The following USP10 variants were observed in gnomAD, a reference collection of about 807,000 sequenced individuals.
The protein encoded by USP10 is ubiquitin specific peptidase 10.
USP10 carries 22 observed loss-of-function variants against 84.5 expected under a neutral mutation model. The observed-to-expected ratio is 0.26, with a 90% CI of 0.19 to 0.37. USP10 has a LOEUF of 0.37. Ranked by LOEUF, USP10 falls within the 10% of genes least tolerant of loss-of-function variation. USP10 has a pLI of 1.00. For missense variants in USP10, 1,019 were observed against 998.9 expected (o/e 1.02, Z -0.27); for synonymous variants, 454 against 387.6 (o/e 1.17, Z -2.01).
chr16:84,720,067 G>A (rs1907581700), intron 1 of USP10, among the ~76,000 whole-genome samples: 1 of 152,204 alleles, frequency 6.6e-6, no homozygotes, highest in Non-Finnish European at 1.5e-5. Flanking sequence ...ACACCGGAAG[G>A]AGAGGAGTCT....
In USP10 at chr16:84,760,278, T is replaced by G. The variant is rs769567888; in HGVS notation, c.1554+3T>G. 3.8e-6 allele frequency: 6 copies of G among 1,596,870 alleles called. No homozygotes were observed. The South Asian group carries it at 4.5e-5, about 12-fold the overall frequency. On this transcript the variant is annotated splice_donor_region_variant and intron_variant, in intron 8 of 13. Coordinates refer to ENST00000219473, the MANE Select transcript of USP10 (RefSeq NM_005153.3). Reference sequence around the variant, plus strand: ...ACAAGTCAAGCCTGTCTGAAAAGGTTTGAGACTTCTCTGTTGTCACTAGTA... The same window carrying G: ...ACAAGTCAAGCCTGTCTGAAAAGGTGTGAGACTTCTCTGTTGTCACTAGTA...
intron 2 of USP10, among the ~76,000 whole-genome samples, chr16:84,735,213 GTGTGTGTGTGTGTGTGTGTGTGT>G (rs1255288840): frequency 6.3e-5 from 4 of 63,080 alleles, no homozygotes; most frequent in African/African-American, 2.8e-4. Context: ...GTGTGTGTGT[GTGTGTGTGTGTGTGTGTGTGTGT>G]GGTGTGTGTG....
intron 2 of USP10, 133 bp downstream of exon 2, chr16:84,733,636 C>A: frequency 1.8e-6 from 1 of 559,948 alleles, no homozygotes; most frequent in Non-Finnish European, 3.0e-6. Context: ...AGAAATGCCT[C>A]AACCCACCAA....
At chr16:84,776,322 G>GGGCCCA (rs1555550739) in intron 13 of USP10, among the ~76,000 whole-genome samples, 7 of 150,872 alleles carry the variant, frequency 4.6e-5, no homozygotes, top group African/African-American at 1.7e-4. Context: ...TGGGGGCCCA[G>GGGCCCA]GGGTGAGGGC....
chr16:84,774,350 T>G (rs915737916), intron 12 of USP10, among the ~76,000 whole-genome samples: 18 of 152,198 alleles, frequency 1.2e-4, no homozygotes, highest in African/African-American at 4.3e-4. Flanking sequence ...CGGACTCTTG[T>G]GTCGGTGTAA....
chr16:84,775,241 C>T lies in USP10; in HGVS notation c.2209+16C>T, dbSNP rs769880072. The T allele has an allele frequency of 1.6e-5, 26 of 1,611,020 alleles. No individual in the cohort carries two copies. The highest frequency in any genetic ancestry group is 8.3e-5 in the Admixed American group (5 of 59,980). On this transcript the variant is annotated intron_variant, in intron 13 of 13. Transcript: ENST00000219473. The stretch of plus-strand genomic sequence containing the variant: ...CTCTTTGCAGGTGAGTAAATTTGTA[C>T]GACATTACTTCTTCATTAAAACACT...
At chr16:84,710,082 C>T (rs1295416012) in intron 1 of USP10, among the ~76,000 whole-genome samples, 1 of 152,018 alleles carries the variant, frequency 6.6e-6, no homozygotes, top group African/African-American at 2.4e-5. Context: ...CCAGTCTGGC[C>T]AACATGCTGA....
intron 1 of USP10, among the ~76,000 whole-genome samples, chr16:84,716,810 T>C (rs2150771613): frequency 6.6e-6 from 1 of 152,298 alleles, no homozygotes; most frequent in Non-Finnish European, 1.5e-5. Flanking sequence ...TACAATTACA[T>C]GGGGAGTGAC....
At chr16:84,711,064 T>A (rs1311704020) in intron 1 of USP10, among the ~76,000 whole-genome samples, 2 of 152,122 alleles carry the variant, frequency 1.3e-5, no homozygotes. Context: ...GTGGAACAGT[T>A]GTGAGCAGAT....
intron 4 of USP10, among the ~76,000 whole-genome samples, chr16:84,751,217 A>G (rs887306483): frequency 6.6e-6 from 1 of 152,246 alleles, no homozygotes; most frequent in Non-Finnish European, 1.5e-5. Context: ...CATATGGCCC[A>G]GGTGTGTAGT....
Position 84,774,472 on chromosome 16 carries a change from G to T in USP10, c.2144-688G>T, listed in dbSNP as rs529271387. 4.3e-3 allele frequency among the ~76,000 whole-genome samples: 508 copies of T among 117,996 alleles called. 3 individuals are homozygous for T. Among genetic ancestry groups the T allele is most frequent in the African/African-American group, 0.015 (462 of 31,098 alleles). The allele number at this position is 117,996 out of a possible 152,430, so 77.4% of individuals were successfully genotyped here. ...TGTTCTGTAACTGAAGTTTTGTTTT[G>T]TTTTTTTTTTGTTTGTTTGTTTTTT... On this transcript the variant is annotated intron_variant, in intron 12 of 13. Coordinates refer to ENST00000219473, the MANE Select transcript of USP10 (RefSeq NM_005153.3).
intron 8 of USP10, 67 bp downstream of exon 8, chr16:84,760,342 T>A (rs1011879923): frequency 2.9e-6 from 4 of 1,377,904 alleles, no homozygotes; most frequent in Non-Finnish European, 4.0e-6. Context: ...GTGTGGTAAC[T>A]GTTGCTTATT....
intron 4 of USP10, 106 bp downstream of exon 4, chr16:84,745,779 T>G: frequency 8.4e-7 from 1 of 1,196,268 alleles, no homozygotes; most frequent in Non-Finnish European, 1.2e-6. Context: ...TACCTGTGTG[T>G]TAATAGCAAC....
intron 1 of USP10, chr16:84,732,532 G>A (rs11863037): frequency 8.1e-6 from 3 of 370,992 alleles, no homozygotes; most frequent in South Asian, 3.7e-5. Context: ...CTGCAACCTC[G>A]GCCTCCCTGG....
chr16:84,734,668 T>C lies in USP10; in HGVS notation c.90+1165T>C, dbSNP rs953710078. 3.9e-5 allele frequency among the ~76,000 whole-genome samples: 6 copies of C among 152,330 alleles called. No individual in the cohort carries two copies. In the East Asian group the frequency reaches 7.7e-4, roughly 20 times the overall value. ...AACTGAATTGATTTTTTTTTCCTTA[T>C]AGTTTGTGGATTTTTAGTTTTAAAA... On this transcript the variant is annotated intron_variant, in intron 2 of 13. Transcript: ENST00000219473.
chr16:84,775,566 A>C (rs539302981), intron 13 of USP10, among the ~76,000 whole-genome samples: 7 of 152,144 alleles, frequency 4.6e-5, no homozygotes, highest in Admixed American at 4.6e-4. Flanking sequence ...AGTGCTGTGG[A>C]GTTTCCACGA....
At chr16:84,717,972 AG>A (rs1173587381) in intron 1 of USP10, among the ~76,000 whole-genome samples, 1 of 152,200 alleles carries the variant, frequency 6.6e-6, no homozygotes, top group Non-Finnish European at 1.5e-5. Context: ...TGTGATGGAA[AG>A]GGTATATAAT....
chr16:84,701,934 C>CTTTTTTTTTTTTTT (rs749796171), intron 1 of USP10, among the ~76,000 whole-genome samples: 1 of 92,704 alleles, frequency 1.1e-5, no homozygotes, highest in Non-Finnish European at 2.2e-5. Context: ...TAATTTTCTT[C>CTTTTTTTTTTTTTT]TTCTTTTTTT....
In USP10 at chr16:84,764,159, C is replaced by G; in HGVS notation, c.1728C>G (p.Ser576Arg). Residue 576 changes from serine (S) to arginine (R), a missense_variant, in exon 10 of 14, where the codon AGC (serine) becomes AGG (arginine). Around this residue, in one of 2 missense-constraint regions of USP10, gnomAD observed 232 missense variants for 290.1 expected, o/e 0.80. Coordinates refer to ENST00000219473, the MANE Select transcript of USP10 (RefSeq NM_005153.3). ...EEEQEEQGEGSEDEWEQVGPR... is the reference protein window; with the variant it reads ...EEEQEEQGEGREDEWEQVGPR... ...AGCAGGAAGAACAAGGTGAAGGAAG[C>G]GAGGATGAATGGGAACAAGTGGGCC... 1 of 1,613,916 alleles carries G rather than the reference C, an allele frequency of 6.2e-7. No individual in the cohort carries two copies. Among genetic ancestry groups the G allele is most frequent in the African/African-American group, 1.3e-5 (1 of 75,018 alleles).
Sources: allele counts gnomAD v4.1 joint callset (sites outside exome capture counted in the v4.1 genomes callset), GRCh38; gene constraint gnomAD v4.1.1; regional missense constraint gnomAD v4.1.1; transcripts MANE v1.5; gene names NCBI Gene and HGNC (gene_info 2026-07-23, HGNC 2026-07-21).